CDRT15L2: variants seen among roughly 807,000 people sequenced by gnomAD.
CDRT15L2 encodes CMT1A duplicated region transcript 15 like 2.
A neutral mutation model predicts 21.5 loss-of-function variants in CDRT15L2; 13 were observed. That is an observed-to-expected ratio of 0.60 (90% CI 0.39 to 0.96). The LOEUF (loss-of-function observed/expected upper bound fraction) is 0.96. Ranked by LOEUF, CDRT15L2 falls within the 40% of genes least tolerant of loss-of-function variation. The probability of loss-of-function intolerance (pLI) is 0.00; values close to 1 mark genes in which losing one functional copy is unlikely to be tolerated. For missense variants in CDRT15L2, 292 were observed against 354.8 expected, an observed-to-expected ratio of 0.82 and a Z score of 1.42; for synonymous variants, 121 against 144.9, an observed-to-expected ratio of 0.84 and a Z score of 1.18.
Position 20,580,663 on chromosome 17 carries a change from G to C in CDRT15L2, c.780G>C (p.Trp260Cys). Residue 260 changes from tryptophan to cysteine, a missense_variant, in exon 2 of 2, where the codon TGG becomes TGC. Transcript: ENST00000399044. The stretch of plus-strand genomic sequence containing the variant: ...GACGCAATCTTCTCCTCCAGGCATG[G>C]AAGTGTGTCTGCAACTGGGCATCCA... ...ALRRNLLLQA[W>C]KCVCNWASRL... is the part of the protein sequence containing the mutation. 6.4e-7 allele frequency: 1 copy of C among 1,558,428 alleles called. No homozygotes were observed.
In CDRT15L2 at chr17:20,580,159, G is replaced by A. The variant is rs1387705392; in HGVS notation, c.276G>A (p.Pro92=). 5.6e-5 allele frequency: 84 copies of A among 1,488,756 alleles called. 5 individuals carry two copies. The highest frequency in any genetic ancestry group is 5.3e-4 in the Middle Eastern group (3 of 5,658). 92.2% of individuals were successfully genotyped at this position (1,488,756 alleles called of 1,614,324 possible). Residue 92 remains proline (P), a synonymous_variant, in exon 2 of 2, where the codon CCG becomes CCA. Transcript: ENST00000399044. ...TTTCTCCTTTTTCAGCTCCTGGTCCGTACGCAGACATAGCAGCACTTGCGG... is the reference window on the plus strand; with the variant it reads ...TTTCTCCTTTTTCAGCTCCTGGTCCATACGCAGACATAGCAGCACTTGCGG... ...PMEAQTHAPG[P]YADIAALAAP...
Sources: allele counts gnomAD v4.1 joint callset, GRCh38; gene constraint gnomAD v4.1.1; transcripts MANE v1.5; gene names NCBI Gene and HGNC (gene_info 2026-07-23, HGNC 2026-07-21).